The following DST variants were observed in gnomAD, a reference collection of about 807,000 sequenced individuals.
DST encodes the protein bullous pemphigoid antigen.
Under a neutral mutation model 875.2 loss-of-function variants are expected in DST, and 253 were observed. That is an observed-to-expected ratio of 0.29 (90% CI 0.26 to 0.32). The LOEUF (loss-of-function observed/expected upper bound fraction) is 0.32, where lower values mean the gene tolerates loss of function less well. DST is among the 10% of genes least tolerant of loss of function. DST has a pLI of 1.00. For missense variants in DST, 8,287 were observed against 9,111.6 expected (o/e 0.91, Z 3.68); for synonymous variants, 3,124 against 3,197.1 (o/e 0.98, Z 0.77).
intron 4 of DST, chr6:56,843,241 G>C (rs1385043608): frequency 7.6e-7 from 1 of 1,311,416 alleles, no homozygotes; most frequent in African/African-American, 1.5e-5. Context: ...CTTGGGAACT[G>C]GAAAAGAGGA....
chr6:56,873,716 G>A (rs1235677098), intron 3 of DST, among the ~76,000 whole-genome samples: 1 of 152,164 alleles, frequency 6.6e-6, no homozygotes, highest in Non-Finnish European at 1.5e-5. Context: ...TGGGAAGGTT[G>A]GGCGGAGAGG....
chr6:56,914,407 C>T lies in DST; in HGVS notation c.217-13786G>A, dbSNP rs1045943710. Among the ~76,000 whole-genome samples the T allele has an allele frequency of 5.3e-5, 8 of 152,168 alleles. 1 individual carries two copies. The highest frequency in any genetic ancestry group is 3.9e-4 in the Admixed American group (6 of 15,280). On this transcript the variant is annotated intron_variant, in intron 2 of 103. Transcript: ENST00000680361. ...TGGCTTTTAGCTGGGAATTGCCCTC[C>T]AGCCTAAGAGCTAGCTGTCACATCC...
chr6:56,615,565 T>C, intron 36 of DST: 1 of 1,614,154 alleles, frequency 6.2e-7, no homozygotes, highest in Non-Finnish European at 8.5e-7. Context: ...GGGGCTCAGA[T>C]ACTTCTAACA....
chr6:56,648,534 G>T, intron 13 of DST, 36 bp downstream of exon 13: 1 of 1,523,910 alleles, frequency 6.6e-7, no homozygotes, highest in South Asian at 1.2e-5. Flanking sequence ...GTTTACAATT[G>T]AATCAATCCT....
intron 4 of DST, among the ~76,000 whole-genome samples, chr6:56,811,117 GA>G (rs1214062177): frequency 6.9e-6 from 1 of 144,448 alleles, no homozygotes; most frequent in Non-Finnish European, 1.5e-5. Flanking sequence ...CTGGAAGGTA[GA>G]GGCTGCAGTG....
At position 56,636,438 on chromosome 6, in the gene DST, G is replaced by A. The variant is rs368550446; in HGVS notation, c.3060+119C>T. On this transcript the variant is annotated intron_variant, in intron 23 of 103. Transcript: ENST00000680361. ...CACACATATATGTGTATATATATATGTGTGTATATATATACACAGAAACAC... is the reference window on the plus strand; with the variant it reads ...CACACATATATGTGTATATATATATATGTGTATATATATACACAGAAACAC... 2.9e-4 allele frequency: 211 copies of A among 726,644 alleles called. No individual in the cohort carries two copies. In the East Asian group the frequency reaches 3.4e-3, roughly 12 times the overall value. 45.0% of individuals were successfully genotyped at this position (726,644 alleles called of 1,614,324 possible).
chr6:56,924,559 G>A (rs1325870470), intron 2 of DST, among the ~76,000 whole-genome samples: 4 of 152,118 alleles, frequency 2.6e-5, no homozygotes, highest in Admixed American at 1.3e-4. Context: ...GTGTCTTGCC[G>A]ATACAAGCAA....
At chr6:56,753,094 T>C (rs2099592607) in intron 4 of DST, among the ~76,000 whole-genome samples, 1 of 152,146 alleles carries the variant, frequency 6.6e-6, no homozygotes, top group Non-Finnish European at 1.5e-5. Context: ...AGACTGAGTT[T>C]ATCTATCTGT....
At chr6:56,924,262 T>G (rs1341135907) in intron 2 of DST, among the ~76,000 whole-genome samples, 1 of 152,162 alleles carries the variant, frequency 6.6e-6, no homozygotes, top group Non-Finnish European at 1.5e-5. Flanking sequence ...ACTCCCATCA[T>G]GGCCATGATA....
At chr6:56,852,110 A>G in intron 3 of DST, 1 of 974,644 alleles carries the variant, frequency 1.0e-6, no homozygotes, top group South Asian at 4.7e-5. Context: ...TCACCACTGG[A>G]GACTCCGTTC....
At chr6:56,532,745 G>A (rs1440319145) in intron 63 of DST, among the ~76,000 whole-genome samples, 1 of 152,094 alleles carries the variant, frequency 6.6e-6, no homozygotes, top group Admixed American at 6.6e-5. Flanking sequence ...TATTGGTAAG[G>A]CCACTAAACT....
intron 10 of DST, among the ~76,000 whole-genome samples, chr6:56,668,518 G>C (rs2099083301): frequency 6.6e-6 from 1 of 152,184 alleles, no homozygotes; most frequent in Admixed American, 6.5e-5. Flanking sequence ...GAGGTAGGCG[G>C]ATCACCTGAG....
chr6:56,757,773 A>T (rs1589732585), intron 4 of DST, among the ~76,000 whole-genome samples: 1 of 152,158 alleles, frequency 6.6e-6, no homozygotes, highest in African/African-American at 2.4e-5. Flanking sequence ...ACCACAAAGC[A>T]GCAGCCTAAG....
chr6:56,800,558 G>T (rs987321494), intron 4 of DST, among the ~76,000 whole-genome samples: 2 of 152,146 alleles, frequency 1.3e-5, no homozygotes, highest in Admixed American at 6.5e-5. Flanking sequence ...CAGCGAAAAA[G>T]AATCTGCCTC....
At chr6:56,746,167 T>C (rs931285921) in intron 4 of DST, among the ~76,000 whole-genome samples, 1 of 152,018 alleles carries the variant, frequency 6.6e-6, no homozygotes, top group Non-Finnish European at 1.5e-5. Context: ...AAATTTTTTG[T>C]AGAGATAGGA....
Position 56,774,236 on chromosome 6 carries a change from A to G in DST, c.626-38947T>C, listed in dbSNP as rs543763920. Among the ~76,000 whole-genome samples the G allele has an allele frequency of 3.3e-5, 5 of 152,190 alleles. No homozygotes were observed. The South Asian group carries it at 8.3e-4, about 25-fold the overall frequency. ...AAAGCTGACATTCACATACCTCTTC[A>G]ATCTACCTGACCCAAACTTACCTCT... On this transcript the variant is annotated intron_variant, in intron 4 of 103. Transcript: ENST00000680361.
chr6:56,874,595 T>C (rs963882374), intron 3 of DST, among the ~76,000 whole-genome samples: 5 of 152,202 alleles, frequency 3.3e-5, no homozygotes, highest in African/African-American at 1.2e-4. Context: ...TCATTCTACA[T>C]AAGGGAAAAC....
At chr6:56,839,665 T>TA (rs2099797658) in intron 4 of DST, among the ~76,000 whole-genome samples, 1 of 152,156 alleles carries the variant, frequency 6.6e-6, no homozygotes, top group South Asian at 2.1e-4. Context: ...AGAGCCGATT[T>TA]ACAGAGTAAA....
chr6:56,498,056 G>A lies in DST; in HGVS notation c.19897-3C>T. On this transcript the variant is annotated splice_polypyrimidine_tract_variant and splice_region_variant and intron_variant, in intron 80 of 103. Coordinates refer to ENST00000680361, the MANE Select transcript of DST (RefSeq NM_001374736.1). ...GCTAATACATCATTTTGGAGCACCT[G>A]AAAATATAAAGATAACACCATGTTT... 1 of 1,609,724 alleles carries A rather than the reference G, an allele frequency of 6.2e-7. No individual in the cohort carries two copies. Among genetic ancestry groups the A allele is most frequent in the Non-Finnish European group, 8.5e-7 (1 of 1,177,772 alleles).
Sources: gnomAD v4.1 joint callset for allele counts (sites outside exome capture counted in the v4.1 genomes callset) on GRCh38, gnomAD v4.1.1 for gene constraint, MANE v1.5 for transcripts, NCBI Gene and HGNC (gene_info 2026-07-23, HGNC 2026-07-21) for gene names.